ARHGAP30: variants seen among roughly 807,000 people sequenced by gnomAD.
ARHGAP30 encodes the protein Rho GTPase activating protein 30.
Under a neutral mutation model 72.0 loss-of-function variants are expected in ARHGAP30, and 23 were observed. The observed-to-expected ratio is 0.32, with a 90% CI of 0.23 to 0.45. The LOEUF (loss-of-function observed/expected upper bound fraction) is 0.45, where lower values mean the gene tolerates loss of function less well. ARHGAP30 is among the 20% of genes least tolerant of loss of function. The pLI, the probability that ARHGAP30 is intolerant of heterozygous loss-of-function variation, is 1.00. For missense variants in ARHGAP30, 1,319 were observed against 1,383.4 expected (o/e 0.95, Z 0.74); for synonymous variants, 576 against 528.2 (o/e 1.09, Z -1.24).
At chr1:161,054,806 G>A in intron 3 of ARHGAP30, 101 bp from the exon 4 acceptor site, 1 of 985,278 alleles carries the variant, frequency 1.0e-6, no homozygotes, top group Non-Finnish European at 1.6e-6. Context: ...ATGTGCACTG[G>A]ACTCTGTGCT....
At chr1:161,064,265 C>T (rs1299057680) in intron 1 of ARHGAP30, among the ~76,000 whole-genome samples, 2 of 152,186 alleles carry the variant, frequency 1.3e-5, no homozygotes, top group African/African-American at 4.8e-5. Flanking sequence ...ATTTCTCAAG[C>T]CAGCCGACGC....
At chr1:161,054,022 C>T (rs1651644377) in intron 5 of ARHGAP30, among the ~76,000 whole-genome samples, 1 of 152,128 alleles carries the variant, frequency 6.6e-6, no homozygotes, top group African/African-American at 2.4e-5. Flanking sequence ...GAGTTGAGAT[C>T]GCACCGCTGC....
In ARHGAP30 at chr1:161,047,943, A is replaced by G; in HGVS notation, c.3078T>C (p.Asp1026=). The G allele has an allele frequency of 6.2e-7, 1 of 1,613,730 alleles. No individual in the cohort carries two copies. The highest frequency in any genetic ancestry group is 8.5e-7 in the Non-Finnish European group (1 of 1,179,838). The part of the protein sequence containing the change: ...RRTQTCTEGG[D]YCLIPRTSPC... ...GGGAGGTTCTGGGGATGAGGCAGTA[A>G]TCCCCACCCTCAGTACAGGTCTGGG... Residue 1026 remains aspartate (D), a synonymous_variant, in exon 12 of 12, where the codon GAT becomes GAC. Coordinates refer to ENST00000368013, the MANE Select transcript of ARHGAP30 (RefSeq NM_001025598.2).
At chr1:161,061,432 C>A (rs913509580) in intron 1 of ARHGAP30, among the ~76,000 whole-genome samples, 4 of 152,032 alleles carry the variant, frequency 2.6e-5, no homozygotes, top group Admixed American at 6.6e-5. Context: ...GGATTACAGG[C>A]GTGAGCCACC....
chr1:161,051,003 C>T (rs1296975783), intron 10 of ARHGAP30, among the ~76,000 whole-genome samples: 1 of 152,166 alleles, frequency 6.6e-6, no homozygotes, highest in African/African-American at 2.4e-5. Context: ...TTATTGTTAC[C>T]CATCCATCTA....
intron 1 of ARHGAP30, among the ~76,000 whole-genome samples, chr1:161,066,891 G>A (rs775130697): frequency 5.3e-5 from 8 of 152,030 alleles, no homozygotes; most frequent in Admixed American, 2.0e-4. Flanking sequence ...CTGTACTCTC[G>A]GGTGCCTAAT....
Position 161,048,704 on chromosome 1 carries a change from C to T in ARHGAP30, c.2317G>A (p.Ala773Thr). Residue 773 changes from alanine to threonine, a missense_variant, in exon 12 of 12, where the codon GCC becomes ACC. Transcript: ENST00000368013. ...VEAGRDLEQG[A>T]QEDQVAEEKW... ...TCCTCAGCAACTTGATCTTCCTGGG[C>T]CCCTTGCTCTAGGTCCCTTCCAGCT... 1 of 1,614,124 alleles carries T rather than the reference C, an allele frequency of 6.2e-7. No homozygotes were observed. Among genetic ancestry groups the T allele is most frequent in the Non-Finnish European group, 8.5e-7 (1 of 1,180,028 alleles).
chr1:161,052,356 T>C lies in ARHGAP30; in HGVS notation c.948A>G (p.Lys316=). The change falls in exon 9 of 12, where the codon AAA becomes AAG. Residue 316 remains lysine, a synonymous_variant. Transcript: ENST00000368013. ...CTGGCCGCAGTGTCCCCTTGTTGGATTTATCCTCTGTAAGACAGGGATGTG... is the reference window on the plus strand; with the variant it reads ...CTGGCCGCAGTGTCCCCTTGTTGGACTTATCCTCTGTAAGACAGGGATGTG... ...LPRGAEDRED[K]SNKGTLRPAK... is the part of the protein sequence containing the mutation. 1.9e-6 allele frequency: 3 copies of C among 1,614,040 alleles called. No homozygotes were observed. Among genetic ancestry groups the C allele is most frequent in the Non-Finnish European group, 2.5e-6 (3 of 1,180,016 alleles).
chr1:161,052,716 A>AGT lies in ARHGAP30; in HGVS notation c.744_745dup (p.Leu249HisfsTer37). 1 of 1,612,906 alleles carries AGT rather than the reference A, an allele frequency of 6.2e-7. No individual in the cohort carries two copies. Among genetic ancestry groups the AGT allele is most frequent in the Non-Finnish European group, 8.5e-7 (1 of 1,179,992 alleles). ...CAGTATGCTAGGCAGGTGATAAGGC[A>AGT]GTGGCCTGGGCATAAGGTCCTCGGG... On this transcript the variant is annotated frameshift_variant, in exon 7 of 12. Transcript: ENST00000368013. LOFTEE classifies it high-confidence loss of function.
Position 161,049,519 on chromosome 1 carries a change from C to T in ARHGAP30, c.1591G>A (p.Val531Met), listed in dbSNP as rs201650598. 77 of 1,614,172 alleles carry T rather than the reference C, an allele frequency of 4.8e-5. No individual in the cohort carries two copies. Among genetic ancestry groups the T allele is most frequent in the Non-Finnish European group, 6.4e-5 (76 of 1,180,040 alleles). The change falls in exon 11 of 12, where the codon GTG (valine) becomes ATG (methionine). Residue 531 changes from valine (V) to methionine (M), a missense_variant. Physicochemically the swap from Val to Met is conservative, Grantham distance 21 (BLOSUM62 1). Around this residue, in one of 2 missense-constraint regions of ARHGAP30, gnomAD observed 1,097 missense variants for 1,045.2 expected, o/e 1.05. Transcript: ENST00000368013. ...GCTCCTGCTGCTTCTGCCTGGGCCA[C>T]CTCCCCATCCTCTGCCCCCACCCAC... ...PEWVGAEDGEVAQAEAAGAAF... is the reference protein window; with the variant it reads ...PEWVGAEDGEMAQAEAAGAAF...
chr1:161,053,036 G>A (rs1651533860), intron 6 of ARHGAP30: 2 of 856,286 alleles, frequency 2.3e-6, no homozygotes, highest in Non-Finnish European at 3.5e-6. Context: ...CTAGCCTTGG[G>A]AGCCAGGATG....
chr1:161,063,573 GT>G (rs1652475585), intron 1 of ARHGAP30, among the ~76,000 whole-genome samples: 1 of 152,188 alleles, frequency 6.6e-6, no homozygotes, highest in Non-Finnish European at 1.5e-5. Flanking sequence ...TACAGCATGT[GT>G]TTTTGAGCAA....
In ARHGAP30 at chr1:161,052,647, A is replaced by G; in HGVS notation, c.815T>C (p.Ile272Thr). The part of the protein sequence containing the change: ...GPPQMRPYHT[I>T]IEIAEHKRKG... The stretch of plus-strand genomic sequence containing the variant: ...TTACTTGTGCTCTGCAATCTCGATG[A>G]TAGTATGGTAGGGCCGCATCTGTGG... The change falls in exon 7 of 12, where the codon ATC (isoleucine) becomes ACC (threonine). Residue 272 changes from isoleucine to threonine, a missense_variant. Around this residue, in one of 2 missense-constraint regions of ARHGAP30, gnomAD observed 1,097 missense variants for 1,045.2 expected, o/e 1.05. Coordinates refer to ENST00000368013, the MANE Select transcript of ARHGAP30 (RefSeq NM_001025598.2). The G allele has an allele frequency of 2.5e-6, 4 of 1,613,898 alleles. No individual in the cohort carries two copies. Among genetic ancestry groups the G allele is most frequent in the Non-Finnish European group, 2.5e-6 (3 of 1,179,938 alleles).
intron 1 of ARHGAP30, among the ~76,000 whole-genome samples, chr1:161,061,537 GAA>G (rs11368341): frequency 2.8e-5 from 4 of 144,530 alleles, no homozygotes; most frequent in African/African-American, 7.5e-5. Context: ...AAGAATATCT[GAA>G]AAAAAAAACT....
At chr1:161,050,949 A>G (rs1182032324) in intron 10 of ARHGAP30, among the ~76,000 whole-genome samples, 1 of 152,202 alleles carries the variant, frequency 6.6e-6, no homozygotes, top group African/African-American at 2.4e-5. Context: ...GCTGGTACTT[A>G]ATAAACTCTT....
chr1:161,061,444 C>T (rs1222823107), intron 1 of ARHGAP30, among the ~76,000 whole-genome samples: 7 of 151,940 alleles, frequency 4.6e-5, no homozygotes, highest in South Asian at 2.1e-4. Context: ...TGAGCCACCG[C>T]GCCTGACCTG....
At chr1:161,064,779 A>AAAAGAAAGAAAGAAAGAAAG (rs201614477) in intron 1 of ARHGAP30, among the ~76,000 whole-genome samples, 102 of 98,148 alleles carry the variant, frequency 1.0e-3, no homozygotes, top group Middle Eastern at 9.7e-3. Context: ...GAAAGAAAGA[A>AAAAGAAAGAAAGAAAGAAAG]AAAGAAAGAA....
intron 10 of ARHGAP30, among the ~76,000 whole-genome samples, chr1:161,050,556 T>G (rs894893378): frequency 7.9e-5 from 12 of 151,816 alleles, no homozygotes; most frequent in African/African-American, 2.9e-4. Context: ...TGATCCACCC[T>G]CCTCAGCTTC....
rs1650981819 is a variant in ARHGAP30, at chr1:161,047,875, C to T, written c.3146G>A (p.Cys1049Tyr). The T allele has an allele frequency of 6.2e-7, 1 of 1,611,158 alleles. No homozygotes were observed. The highest frequency in any genetic ancestry group is 8.5e-7 in the Non-Finnish European group (1 of 1,178,686). ...ISAHSPRPLS[C>Y]LELPSEGAEG... ...TGCACCTTCAGATGGGAGCTCCAGG[C>T]AGCTAAGGGGCCGAGGAGAATGGGC... The change falls in exon 12 of 12, where the codon TGC becomes TAC. Residue 1049 changes from cysteine to tyrosine, a missense_variant. This residue lies in a region of ARHGAP30 where 1,097 missense variants were observed against 1,045.2 expected (regional missense o/e 1.05). Coordinates refer to ENST00000368013, the MANE Select transcript of ARHGAP30 (RefSeq NM_001025598.2).
Sources: gnomAD v4.1 joint callset for allele counts (sites outside exome capture counted in the v4.1 genomes callset) on GRCh38, gnomAD v4.1.1 for gene constraint, gnomAD v4.1.1 regional missense constraint, MANE v1.5 for transcripts, NCBI Gene and HGNC (gene_info 2026-07-23, HGNC 2026-07-21) for gene names.